CLIC5: variants seen among roughly 807,000 people sequenced by gnomAD.
The protein encoded by CLIC5 is CLIC family member 5, also known as chloride intracellular channel protein 5.
A neutral mutation model predicts 24.7 loss-of-function variants in CLIC5; 20 were observed. The ratio of observed to expected loss-of-function variants is 0.81; its 90% CI spans 0.57 to 1.18. The LOEUF (loss-of-function observed/expected upper bound fraction) is 1.18. Ranked by LOEUF, CLIC5 falls within the 50% of genes most tolerant of loss-of-function variation. The pLI is 0.00. For synonymous variants in CLIC5, 159 were observed against 135.6 expected (o/e 1.17, Z -1.20); for missense variants, 341 against 326.1 (o/e 1.05, Z -0.35).
chr6:46,019,342 A>G (rs1767108372), upstream of CLIC5, among the ~76,000 whole-genome samples: 1 of 152,240 alleles, frequency 6.6e-6, no homozygotes, highest in Admixed American at 6.5e-5. Flanking sequence ...AATGTTATTG[A>G]TAAATTAAAA....
In CLIC5 at chr6:45,902,813, A is replaced by C; in HGVS notation, c.*275T>G. The C allele has an allele frequency of 2.1e-6, 1 of 473,246 alleles. No homozygotes were observed. The highest frequency in any genetic ancestry group is 3.8e-6 in the Non-Finnish European group (1 of 264,950). 29.3% of individuals were successfully genotyped at this position (473,246 alleles called of 1,614,324 possible). ...CAATCCCATATGTGGGCTCTCCAAC[A>C]CTGACTGACCCCAAACATGCTGAGC... is the stretch of plus-strand genomic sequence containing the variant. On this transcript the variant is annotated 3_prime_UTR_variant, in exon 6 of 6. Transcript: ENST00000339561.
chr6:46,101,334 C>A, the CLIC5 span, among the ~76,000 whole-genome samples: 1 of 152,136 alleles, frequency 6.6e-6, no homozygotes, highest in Non-Finnish European at 1.5e-5. Context: ...TATAACTAAG[C>A]AGGTAATTAA....
chr6:45,881,466 C>G (rs569952213), intron 6 of CLIC5, among the ~76,000 whole-genome samples: 20 of 152,116 alleles, frequency 1.3e-4, no homozygotes, highest in African/African-American at 4.8e-4. Context: ...AGATTCTCCC[C>G]GTTAGGTGAT....
chr6:46,007,403 G>A (rs1268699172), intron 1 of CLIC5, among the ~76,000 whole-genome samples: 2 of 152,070 alleles, frequency 1.3e-5, no homozygotes, highest in Admixed American at 6.6e-5. Context: ...CTGAGTCTTC[G>A]GTGTTGGTGC....
chr6:46,060,940 G>A (rs533629218), intron 1 of CLIC5, among the ~76,000 whole-genome samples: 5 of 152,242 alleles, frequency 3.3e-5, no homozygotes, highest in East Asian at 3.9e-4. Flanking sequence ...CAGAAAGAAC[G>A]AACCCCCAAC....
chr6:46,123,469 C>T, the CLIC5 span, among the ~76,000 whole-genome samples: 1 of 152,174 alleles, frequency 6.6e-6, no homozygotes, highest in Non-Finnish European at 1.5e-5. Context: ...GACCCACAGC[C>T]AATATCATAC....
Position 45,888,972 on chromosome 6 carries a change from T to C in CLIC5, c.624-7784A>G, listed in dbSNP as rs182560057. Among the ~76,000 whole-genome samples the C allele has an allele frequency of 2.8e-4, 42 of 152,300 alleles. 1 individual carries two copies. The East Asian group carries it at 6.0e-3, about 22-fold the overall frequency. On this transcript the variant is annotated intron_variant, in intron 6 of 6. Coordinates refer to the CLIC5 transcript ENST00000644324. ...CAAAAATTTGAAAATGGCTTTAGTG[T>C]CCATCAGAGGGAGACTAATCAAGTT...
chr6:45,948,526 G>A (rs1764361478), intron 3 of CLIC5, among the ~76,000 whole-genome samples: 2 of 152,120 alleles, frequency 1.3e-5, no homozygotes, highest in Non-Finnish European at 1.5e-5. Context: ...TAAAGTTCAT[G>A]CCTCACTCTA....
Position 45,941,582 on chromosome 6 carries a change from G to A in CLIC5, c.371C>T (p.Ala124Val), listed in dbSNP as rs763199677. The A allele has an allele frequency of 7.4e-6, 12 of 1,613,670 alleles. No homozygotes were observed. The Admixed American group carries it at 2.0e-4, about 27-fold the overall frequency. Residue 124 changes from alanine to valine, a missense_variant, in exon 4 of 6, where the codon GCC (alanine) becomes GTC (valine). Ala to Val is a moderately conservative substitution (Grantham distance 64, BLOSUM62 0). Transcript: ENST00000339561. ...AGIDIFSKFS[A>V]YIKNTKQQNN... Reference sequence around the variant, plus strand: ...CTGCTGCTTGGTATTTTTGATGTAGGCAGAAAACTTGGAAAAGATGTCGAT... The same window carrying A: ...CTGCTGCTTGGTATTTTTGATGTAGACAGAAAACTTGGAAAAGATGTCGAT...
intron 1 of CLIC5, among the ~76,000 whole-genome samples, chr6:45,986,964 C>T (rs1019863392): frequency 1.3e-5 from 2 of 152,318 alleles, no homozygotes; most frequent in East Asian, 3.9e-4. Context: ...GAGTCATTTT[C>T]CATGAACTAC....
intron 1 of CLIC5, among the ~76,000 whole-genome samples, chr6:46,049,728 C>A (rs1056654116): frequency 1.3e-5 from 2 of 152,314 alleles, no homozygotes; most frequent in Non-Finnish European, 1.5e-5. Context: ...GTCATATAGA[C>A]TACAATTTTC....
chr6:46,125,430 G>T, the CLIC5 span, among the ~76,000 whole-genome samples: 8 of 152,250 alleles, frequency 5.3e-5, no homozygotes, highest in Non-Finnish European at 1.0e-4. Context: ...CTGTTGTGGG[G>T]TGGGAGGAGA....
intron 6 of CLIC5, among the ~76,000 whole-genome samples, chr6:45,888,458 T>G (rs1277656914): frequency 6.6e-6 from 1 of 152,230 alleles, no homozygotes; most frequent in African/African-American, 2.4e-5. Context: ...CATGAAAATT[T>G]ATGCTTACAG....
intron 1 of CLIC5, among the ~76,000 whole-genome samples, chr6:46,070,128 CA>C (rs1762552060): frequency 1.3e-5 from 2 of 152,110 alleles, no homozygotes; most frequent in Admixed American, 6.6e-5. Flanking sequence ...ACTGAATGAA[CA>C]AAAGCTGGAA....
chr6:46,100,217 G>A, the CLIC5 span, among the ~76,000 whole-genome samples: 1 of 152,228 alleles, frequency 6.6e-6, no homozygotes, highest in South Asian at 2.1e-4. Flanking sequence ...CAGTCACTAG[G>A]TCAGAGCTGC....
intron 2 of CLIC5, among the ~76,000 whole-genome samples, chr6:45,953,576 G>T (rs577029770): frequency 1.3e-5 from 2 of 152,268 alleles, no homozygotes; most frequent in Admixed American, 6.5e-5. Flanking sequence ...GACAGGTCAC[G>T]GTGAGAAGTG....
intron 1 of CLIC5, among the ~76,000 whole-genome samples, chr6:46,036,455 C>G (rs568573048): frequency 5.9e-5 from 9 of 151,784 alleles, no homozygotes; most frequent in Admixed American, 2.0e-4. Context: ...GGACTACAGG[C>G]GCCTGCCACC....
intron 1 of CLIC5, among the ~76,000 whole-genome samples, chr6:46,055,314 G>A (rs1768216370): frequency 6.6e-6 from 1 of 152,188 alleles, no homozygotes; most frequent in South Asian, 2.1e-4. Context: ...CGTTGGCCAG[G>A]CTGGCTTGGA....
At chr6:46,098,624 T>A in the CLIC5 span, among the ~76,000 whole-genome samples, 1 of 152,034 alleles carries the variant, frequency 6.6e-6, no homozygotes, top group South Asian at 2.1e-4. Flanking sequence ...CTATTGGAGG[T>A]GGGGAGGAAA....
Sources: allele counts gnomAD v4.1 joint callset (sites outside exome capture counted in the v4.1 genomes callset), GRCh38; gene constraint gnomAD v4.1.1; transcripts MANE v1.5; gene names NCBI Gene and HGNC (gene_info 2026-07-23, HGNC 2026-07-21).